Variants in HSD17B12 observed in about 807,000 individuals in gnomAD.
HSD17B12 encodes very-long-chain 3-oxoacyl-CoA reductase.
Under a neutral mutation model 39.3 loss-of-function variants are expected in HSD17B12, and 32 were observed. That is an observed-to-expected ratio of 0.81 (90% confidence interval 0.61 to 1.09). HSD17B12 has a LOEUF of 1.09. Ranked by LOEUF, HSD17B12 falls within the 50% of genes least tolerant of loss-of-function variation. The probability of loss-of-function intolerance (pLI) is 0.00; values close to 1 mark genes in which losing one functional copy is unlikely to be tolerated. For missense variants in HSD17B12, 342 were observed against 382.9 expected, an observed-to-expected ratio of 0.89 and a Z score of 0.89; for synonymous variants, 150 against 146.7, an observed-to-expected ratio of 1.02 and a Z score of -0.16.
At chr11:43,583,796 C>T in the HSD17B12 span, among the ~76,000 whole-genome samples, 5 of 152,208 alleles carry the variant, frequency 3.3e-5, no homozygotes, top group African/African-American at 1.2e-4. Context: ...GCATGTGATG[C>T]CAACCTCTGG....
chr11:43,662,803 TGGGGGTAG>T, the HSD17B12 span, among the ~76,000 whole-genome samples: 77 of 152,220 alleles, frequency 5.1e-4, no homozygotes, highest in African/African-American at 1.8e-3. Flanking sequence ...ATTCCTACCT[TGGGGGTAG>T]GGAAAGCAAA....
At chr11:43,602,167 TGAG>T in the HSD17B12 span, among the ~76,000 whole-genome samples, 1 of 152,204 alleles carries the variant, frequency 6.6e-6, no homozygotes, top group Non-Finnish European at 1.5e-5. Flanking sequence ...TCAGGAATAT[TGAG>T]GAGCCGATCT....
At chr11:43,614,064 C>T in the HSD17B12 span, among the ~76,000 whole-genome samples, 1 of 152,132 alleles carries the variant, frequency 6.6e-6, no homozygotes, top group Non-Finnish European at 1.5e-5. Context: ...TTATGAGCCA[C>T]ACTTTTACAC....
At chr11:43,683,849 A>G (rs1165190741) in intron 1 of HSD17B12, among the ~76,000 whole-genome samples, 2 of 152,284 alleles carry the variant, frequency 1.3e-5, no homozygotes, top group Middle Eastern at 3.4e-3. Context: ...TCATGTGAGT[A>G]TCTTCATGTG....
chr11:43,608,173 T>TG, the HSD17B12 span, among the ~76,000 whole-genome samples: 2 of 152,278 alleles, frequency 1.3e-5, no homozygotes, highest in African/African-American at 4.8e-5. Context: ...AAGACCAGCC[T>TG]GGGCAACAGG....
intron 3 of HSD17B12, among the ~76,000 whole-genome samples, chr11:43,778,158 C>T (rs1950728187): frequency 2.6e-5 from 4 of 152,054 alleles, no homozygotes; most frequent in African/African-American, 9.7e-5. Context: ...GGGATATCAC[C>T]ACCGATCCCA....
intron 1 of HSD17B12, among the ~76,000 whole-genome samples, chr11:43,701,448 T>G (rs756153693): frequency 5.9e-5 from 9 of 152,202 alleles, no homozygotes; most frequent in Non-Finnish European, 1.2e-4. Flanking sequence ...TGTTTTCTTG[T>G]GGTAGTTTCA....
At chr11:43,733,608 A>T (rs1376655636) in intron 1 of HSD17B12, among the ~76,000 whole-genome samples, 2 of 152,232 alleles carry the variant, frequency 1.3e-5, no homozygotes, top group Non-Finnish European at 2.9e-5. Flanking sequence ...AAGGAATGAT[A>T]CACCAAGAAA....
the HSD17B12 span, among the ~76,000 whole-genome samples, chr11:43,656,640 G>C: frequency 2.6e-5 from 4 of 152,100 alleles, no homozygotes; most frequent in African/African-American, 4.8e-5. Context: ...CTTTATTTCT[G>C]CCTTCATTTC....
At chr11:43,756,230 T>A (rs77739452) in intron 3 of HSD17B12, among the ~76,000 whole-genome samples, 7,522 of 151,804 alleles carry the variant, frequency 0.05, 216 homozygotes, top group Non-Finnish European at 0.054. Flanking sequence ...TTTTTTTTTT[T>A]AATTATTTTA....
At chr11:43,613,142 A>G in the HSD17B12 span, among the ~76,000 whole-genome samples, 4 of 152,128 alleles carry the variant, frequency 2.6e-5, no homozygotes, top group African/African-American at 4.8e-5. Flanking sequence ...AGTGGCTCAC[A>G]CCTGTAATCC....
chr11:43,843,977 G>T (rs1447733273), intron 9 of HSD17B12, among the ~76,000 whole-genome samples: 3 of 152,308 alleles, frequency 2.0e-5, no homozygotes, highest in Admixed American at 6.5e-5. Flanking sequence ...CTCTGGTTGT[G>T]CATGGTCAAG....
Position 43,798,349 on chromosome 11 carries a change from A to G in HSD17B12, c.313A>G (p.Ile105Val). The change falls in exon 4 of 11, where the codon ATT becomes GTT. Residue 105 changes from isoleucine to valine, a missense_variant. Coordinates refer to ENST00000278353, the MANE Select transcript of HSD17B12 (RefSeq NM_016142.3). Reference protein sequence around the residue: ...KEKFKVETRTIAVDFASEDIY... With the variant: ...KEKFKVETRTVAVDFASEDIY... ...AAAATTCAAAGTGGAGACAAGAACC[A>G]TTGCTGTTGACTTTGCATCAGAAGA... 6.2e-7 allele frequency: 1 copy of G among 1,611,782 alleles called. No homozygotes were observed. Among genetic ancestry groups the G allele is most frequent in the East Asian group, 2.2e-5 (1 of 44,766 alleles).
At chr11:43,794,233 C>T (rs1950895795) in intron 3 of HSD17B12, among the ~76,000 whole-genome samples, 1 of 152,132 alleles carries the variant, frequency 6.6e-6, no homozygotes, top group African/African-American at 2.4e-5. Flanking sequence ...TGTCAATAGG[C>T]ATCAATAGTA....
intron 3 of HSD17B12, among the ~76,000 whole-genome samples, chr11:43,783,574 C>T (rs574421186): frequency 6.6e-6 from 1 of 152,058 alleles, no homozygotes; most frequent in Admixed American, 6.6e-5. Flanking sequence ...GCCACCCACA[C>T]CCTGAACAGG....
chr11:43,716,035 A>G (rs1211246620), intron 1 of HSD17B12, among the ~76,000 whole-genome samples: 1 of 152,202 alleles, frequency 6.6e-6, no homozygotes, highest in Non-Finnish European at 1.5e-5. Context: ...AGCCACATTT[A>G]TGTGAAAAGA....
At chr11:43,738,634 T>C (rs1390686254) in intron 1 of HSD17B12, among the ~76,000 whole-genome samples, 1 of 152,222 alleles carries the variant, frequency 6.6e-6, no homozygotes, top group African/African-American at 2.4e-5. Context: ...AGGTTAGTTT[T>C]CCTTTTATAA....
intron 1 of HSD17B12, among the ~76,000 whole-genome samples, chr11:43,723,018 C>G (rs1950189254): frequency 6.6e-6 from 1 of 152,066 alleles, no homozygotes; most frequent in African/African-American, 2.4e-5. Context: ...TTAAAATTTT[C>G]TATTTATTCC....
At chr11:43,718,207 A>G (rs1262916472) in intron 1 of HSD17B12, among the ~76,000 whole-genome samples, 1 of 152,198 alleles carries the variant, frequency 6.6e-6, no homozygotes, top group Non-Finnish European at 1.5e-5. Flanking sequence ...TCAAGTTCCT[A>G]TAGCGAAGTG....
Sources: gnomAD v4.1 joint callset for allele counts (sites outside exome capture counted in the v4.1 genomes callset) on GRCh38, gnomAD v4.1.1 for gene constraint, MANE v1.5 for transcripts, NCBI Gene and HGNC (gene_info 2026-07-23, HGNC 2026-07-21) for gene names.